Variants in CEP128 observed in about 807,000 individuals in gnomAD.
CEP128 encodes centrosomal protein 128kDa.
A neutral mutation model predicts 156.7 loss-of-function variants in CEP128; 132 were observed. The observed-to-expected ratio is 0.84, with a 90% CI of 0.73 to 0.97. The LOEUF (loss-of-function observed/expected upper bound fraction) is 0.97. Ranked by LOEUF, CEP128 falls within the 50% of genes least tolerant of loss-of-function variation. The pLI, the probability that CEP128 is intolerant of heterozygous loss-of-function variation, is 0.00. For missense variants in CEP128, 1,252 were observed against 1,281.9 expected, an observed-to-expected ratio of 0.98 and a Z score of 0.36; for synonymous variants, 469 against 448.9, an observed-to-expected ratio of 1.04 and a Z score of -0.57.
intron 19 of CEP128, among the ~76,000 whole-genome samples, chr14:80,637,289 T>C (rs916939767): frequency 3.9e-5 from 6 of 152,108 alleles, no homozygotes; most frequent in Admixed American, 1.3e-4. Context: ...TGTGAATCAG[T>C]TGACCTCCAG....
chr14:80,533,732 G>A (rs1242686987), intron 21 of CEP128, among the ~76,000 whole-genome samples: 4 of 151,522 alleles, frequency 2.6e-5, no homozygotes, highest in Non-Finnish European at 5.9e-5. Context: ...TATTTCACTT[G>A]TGGCTTATTT....
At chr14:80,612,301 G>A (rs1322456412) in intron 19 of CEP128, among the ~76,000 whole-genome samples, 1 of 152,018 alleles carries the variant, frequency 6.6e-6, no homozygotes, top group Non-Finnish European at 1.5e-5. Context: ...TGGTAAAAGG[G>A]GTGAAAGAGA....
At chr14:80,869,206 A>G (rs960616849) in intron 8 of CEP128, among the ~76,000 whole-genome samples, 6 of 152,080 alleles carry the variant, frequency 3.9e-5, no homozygotes, top group Non-Finnish European at 8.8e-5. Context: ...AACATTCTCC[A>G]GGATAGATCA....
intron 19 of CEP128, among the ~76,000 whole-genome samples, chr14:80,603,656 C>T (rs1892667825): frequency 6.6e-6 from 1 of 152,122 alleles, no homozygotes; most frequent in Non-Finnish European, 1.5e-5. Flanking sequence ...AGCAATCTCT[C>T]AATTAATAGC....
intron 19 of CEP128, among the ~76,000 whole-genome samples, chr14:80,647,696 C>CATGT (rs904222434): frequency 2.6e-5 from 4 of 152,032 alleles, no homozygotes; most frequent in Non-Finnish European, 5.9e-5. Context: ...AGCGACCAGG[C>CATGT]ATGTGGCTAA....
At chr14:80,483,853 G>A (rs1887104263) in intron 14 of CEP128, among the ~76,000 whole-genome samples, 1 of 152,182 alleles carries the variant, frequency 6.6e-6, no homozygotes, top group Non-Finnish European at 1.5e-5. Flanking sequence ...GGTACCATTA[G>A]TTATGTCTGG....
intron 3 of CEP128, among the ~76,000 whole-genome samples, chr14:80,915,218 T>A (rs1884480645): frequency 1.3e-5 from 2 of 152,094 alleles, no homozygotes; most frequent in African/African-American, 4.8e-5. Flanking sequence ...AGACACAGTC[T>A]AAGTATGTTG....
chr14:80,533,558 T>C (rs1461543759), intron 21 of CEP128, among the ~76,000 whole-genome samples: 1 of 152,202 alleles, frequency 6.6e-6, no homozygotes, highest in Non-Finnish European at 1.5e-5. Flanking sequence ...GACAATTATA[T>C]GATGGTTTTG....
intron 13 of CEP128, among the ~76,000 whole-genome samples, chr14:80,798,583 A>C (rs1883635182): frequency 1.3e-5 from 2 of 152,220 alleles, no homozygotes; most frequent in African/African-American, 4.8e-5. Flanking sequence ...GGTGGTCAAA[A>C]TAAACTATAT....
At chr14:80,844,187 C>T (rs1400172323) in intron 9 of CEP128, among the ~76,000 whole-genome samples, 1 of 151,206 alleles carries the variant, frequency 6.6e-6, no homozygotes, top group Non-Finnish European at 1.5e-5. Flanking sequence ...AGTTTCTTTT[C>T]AAGGCAAAAA....
At chr14:80,841,794 T>C (rs1455354868) in intron 9 of CEP128, among the ~76,000 whole-genome samples, 1 of 151,906 alleles carries the variant, frequency 6.6e-6, no homozygotes, top group Non-Finnish European at 1.5e-5. Context: ...TTCTTCATAT[T>C]GAAATAATAA....
chr14:80,680,437 A>G (rs969105919), intron 19 of CEP128, among the ~76,000 whole-genome samples: 1 of 152,112 alleles, frequency 6.6e-6, no homozygotes, highest in Non-Finnish European at 1.5e-5. Context: ...GAAGATCTCC[A>G]GGTATTCAGA....
intron 19 of CEP128, among the ~76,000 whole-genome samples, chr14:80,625,925 TTC>T (rs1160633748): frequency 1.3e-5 from 2 of 152,120 alleles, no homozygotes; most frequent in African/African-American, 4.8e-5. Context: ...ATCAGATTAG[TTC>T]TCTCATTCAT....
At chr14:80,559,230 GA>G in intron 21 of CEP128, 48 bp downstream of exon 21, 1 of 1,512,998 alleles carries the variant, frequency 6.6e-7, no homozygotes, top group Non-Finnish European at 9.1e-7. Flanking sequence ...TCCACATCAG[GA>G]GACAGCAGTA....
intron 19 of CEP128, among the ~76,000 whole-genome samples, chr14:80,595,898 G>C (rs1406913271): frequency 6.6e-6 from 1 of 152,044 alleles, no homozygotes; most frequent in African/African-American, 2.4e-5. Context: ...CGGATCTCAT[G>C]AGACTTATTC....
At chr14:80,898,037 C>T (rs746385748) in intron 7 of CEP128, among the ~76,000 whole-genome samples, 4 of 152,190 alleles carry the variant, frequency 2.6e-5, no homozygotes, top group Non-Finnish European at 5.9e-5. Flanking sequence ...GCCTCGGCCT[C>T]CCAAAATGTT....
At chr14:80,503,689 C>G (rs1389157802) in intron 24 of CEP128, among the ~76,000 whole-genome samples, 1 of 151,948 alleles carries the variant, frequency 6.6e-6, no homozygotes, top group African/African-American at 2.4e-5. Flanking sequence ...TTTTCCATTG[C>G]TAAATATGAA....
chr14:80,879,671 A>G (rs1450908390), intron 8 of CEP128, among the ~76,000 whole-genome samples: 1 of 152,216 alleles, frequency 6.6e-6, no homozygotes, highest in Non-Finnish European at 1.5e-5. Context: ...AACGAAAAAG[A>G]GTAAAGACTT....
At chr14:80,495,569 T>C (rs965236827), downstream of CEP128, among the ~76,000 whole-genome samples, 1 of 151,470 alleles carries the variant, frequency 6.6e-6, no homozygotes, top group Non-Finnish European at 1.5e-5. Flanking sequence ...AAGATTCCTC[T>C]CCAGTCTGTT....
Sources: gnomAD v4.1 joint callset for allele counts (sites outside exome capture counted in the v4.1 genomes callset) on GRCh38, gnomAD v4.1.1 for gene constraint, MANE v1.5 for transcripts, NCBI Gene and HGNC (gene_info 2026-07-23, HGNC 2026-07-21) for gene names.